GFPT1: variants seen among roughly 807,000 people sequenced by gnomAD.
GFPT1 encodes the protein glutamine--fructose-6-phosphate aminotransferase [isomerizing] 1.
In GFPT1, 40 loss-of-function variants were observed where a neutral mutation model predicts 92.0. The observed-to-expected ratio is 0.43, with a 90% CI of 0.34 to 0.57. The LOEUF (loss-of-function observed/expected upper bound fraction) is 0.57. Ranked by LOEUF, GFPT1 falls within the 20% of genes least tolerant of loss-of-function variation. GFPT1 has a pLI of 0.02. For missense variants in GFPT1, 448 were observed against 869.1 expected, an observed-to-expected ratio of 0.52 and a Z score of 6.09; for synonymous variants, 269 against 280.6, an observed-to-expected ratio of 0.96 and a Z score of 0.41.
chr2:69,352,859 A>T (rs1255444637), intron 9 of GFPT1, among the ~76,000 whole-genome samples: 1 of 151,876 alleles, frequency 6.6e-6, no homozygotes, highest in Non-Finnish European at 1.5e-5. Flanking sequence ...TAGCCCGGCC[A>T]AAATGGCGAA....
At chr2:69,384,693 C>CAAA (rs71964630) in intron 1 of GFPT1, among the ~76,000 whole-genome samples, 8 of 106,620 alleles carry the variant, frequency 7.5e-5, no homozygotes, top group Non-Finnish European at 7.6e-5. Context: ...GGCCCCGTCA[C>CAAA]AAAAAAAAAA....
At chr2:69,355,090 G>A (rs1671304944) in intron 7 of GFPT1, among the ~76,000 whole-genome samples, 1 of 151,490 alleles carries the variant, frequency 6.6e-6, no homozygotes, top group African/African-American at 2.4e-5. Flanking sequence ...TTATTTGTTT[G>A]TTTTTTGACA....
In GFPT1 at chr2:69,342,119, T is replaced by C. The variant is rs370240692; in HGVS notation, c.1203+33A>G. 53 of 1,140,666 alleles carry C rather than the reference T, an allele frequency of 4.6e-5. No individual in the cohort carries two copies. In the African/African-American group the frequency reaches 7.2e-4, roughly 15 times the overall value. 70.7% of individuals were successfully genotyped at this position (1,140,666 alleles called of 1,614,324 possible). A position where few individuals can be genotyped will look rare whatever the true frequency, so the allele number is the denominator to read the frequency against. On this transcript the variant is annotated intron_variant, in intron 13 of 19. Transcript: ENST00000357308. The stretch of plus-strand genomic sequence containing the variant: ...CTTGGTCTACAGATATTCTCTAATA[T>C]TCAACATAATTAAAATTTTAAAAAG...
chr2:69,365,493 T>A (rs1442614783), intron 3 of GFPT1, among the ~76,000 whole-genome samples: 2 of 152,142 alleles, frequency 1.3e-5, no homozygotes, highest in Non-Finnish European at 2.9e-5. Flanking sequence ...AATAAATAAA[T>A]AAATAAAACC....
intron 4 of GFPT1, among the ~76,000 whole-genome samples, chr2:69,362,176 C>A (rs985677450): frequency 9.2e-5 from 14 of 152,134 alleles, no homozygotes; most frequent in African/African-American, 3.1e-4. Flanking sequence ...GTCACCCAGG[C>A]TGAAGTGCAA....
chr2:69,356,955 T>G (rs1041252558), intron 6 of GFPT1, among the ~76,000 whole-genome samples: 3 of 152,128 alleles, frequency 2.0e-5, no homozygotes, highest in African/African-American at 2.4e-5. Flanking sequence ...ATGGTCTCCA[T>G]CTCTTGACCT....
rs540862717 is a variant in GFPT1 at position 69,361,552 on chromosome 2, G to GT, written c.349+1992dup. On this transcript the variant is annotated intron_variant, in intron 4 of 19. Transcript: ENST00000357308. ...CAAATTCTCAAAACATAATCTAGAT[G>GT]TAAGTTTTCGGGAATCTTTCATAAA... Among the ~76,000 whole-genome samples, 437 of 151,892 alleles carry GT rather than the reference G, an allele frequency of 2.9e-3. 5 individuals carry two copies. Among genetic ancestry groups the GT allele is most frequent in the Non-Finnish European group, 3.4e-3 (231 of 67,946 alleles).
At chr2:69,366,381 C>T (rs1671611703) in intron 3 of GFPT1, among the ~76,000 whole-genome samples, 1 of 152,106 alleles carries the variant, frequency 6.6e-6, no homozygotes, top group Non-Finnish European at 1.5e-5. Flanking sequence ...TTGACGCTTC[C>T]TTATTGTCTG....
At chr2:69,328,505 T>A (rs963125826) in intron 17 of GFPT1, 67 bp from the exon 18 acceptor site, 1 of 1,176,220 alleles carries the variant, frequency 8.5e-7, no homozygotes, top group South Asian at 1.2e-5. Context: ...GTAAATATTA[T>A]AAAAAGCATC....
rs1339868952 is a variant in GFPT1, at chr2:69,320,275, C to T, written c.*5914G>A. 6.6e-6 allele frequency: 1 copy of T among 152,146 alleles called. No individual in the cohort carries two copies. Among genetic ancestry groups the T allele is most frequent in the African/African-American group, 2.4e-5 (1 of 41,406 alleles). The allele number at this position is 152,146 out of a possible 1,614,324, so 9.4% of individuals were successfully genotyped here. A position where few individuals can be genotyped will look rare whatever the true frequency, so the allele number is the denominator to read the frequency against. On this transcript the variant is annotated 3_prime_UTR_variant, in exon 20 of 20. Coordinates refer to ENST00000357308, the MANE Select transcript of GFPT1 (RefSeq NM_001244710.2). ...AGATTAAGAATGTACTAGTTAAGAA[C>T]CAAGGAGTTATACCCAGTTCACAAT...
At chr2:69,384,043 A>G (rs1672069489) in intron 1 of GFPT1, among the ~76,000 whole-genome samples, 1 of 152,358 alleles carries the variant, frequency 6.6e-6, no homozygotes, top group South Asian at 2.1e-4. Context: ...GACACTCAGC[A>G]AAACCAAAAA....
At chr2:69,354,835 G>A (rs1474935982) in intron 7 of GFPT1, among the ~76,000 whole-genome samples, 1 of 152,114 alleles carries the variant, frequency 6.6e-6, no homozygotes, top group East Asian at 1.9e-4. Context: ...TGGGAAACAT[G>A]GCAAAACCCC....
chr2:69,341,079 C>G (rs975033268), intron 13 of GFPT1, among the ~76,000 whole-genome samples: 47 of 151,650 alleles, frequency 3.1e-4, no homozygotes, highest in African/African-American at 1.1e-3. Context: ...CTGCCTCAGC[C>G]TCCCAAGTAG....
Position 69,325,968 on chromosome 2 carries a change from T to C in GFPT1, c.*221A>G, listed in dbSNP as rs1670520024. The C allele has an allele frequency of 3.8e-6, 2 of 523,680 alleles. No homozygotes were observed. The highest frequency in any genetic ancestry group is 6.7e-5 in the Admixed American group (2 of 29,746). 32.4% of individuals were successfully genotyped at this position (523,680 alleles called of 1,614,324 possible). ...AGAATCTTTCTGATACAGATTCCAA[T>C]ATAGATTCCATTATTCAAAGTCCTC... On this transcript the variant is annotated 3_prime_UTR_variant, in exon 20 of 20. Coordinates refer to ENST00000357308, the MANE Select transcript of GFPT1 (RefSeq NM_001244710.2).
chr2:69,383,952 G>A lies in GFPT1; in HGVS notation c.7+3113C>T, dbSNP rs184348594. 2.4e-3 allele frequency among the ~76,000 whole-genome samples: 361 copies of A among 152,230 alleles called. 5 individuals carry two copies. Among genetic ancestry groups the A allele is most frequent in the Non-Finnish European group, 6.2e-4 (42 of 68,020 alleles). ...CCCAAAATTCCATTTTATATACACC[G>A]TCGAATCAGAAGGGTATAACTTCAC... is the stretch of plus-strand genomic sequence containing the variant. On this transcript the variant is annotated intron_variant, in intron 1 of 19. Transcript: ENST00000357308.
chr2:69,383,555 C>T (rs1672059422), intron 1 of GFPT1, among the ~76,000 whole-genome samples: 1 of 152,132 alleles, frequency 6.6e-6, no homozygotes, highest in African/African-American at 2.4e-5. Flanking sequence ...TTTAAAATTG[C>T]AAGTTCCTTT....
intron 13 of GFPT1, 74 bp downstream of exon 13, chr2:69,342,078 T>G (rs1365354625): frequency 1.2e-6 from 1 of 802,730 alleles, no homozygotes; most frequent in African/African-American, 1.7e-5. Context: ...TTACACAGTA[T>G]GTTATTAGAC....
chr2:69,361,682 C>A (rs1219011251), intron 4 of GFPT1, among the ~76,000 whole-genome samples: 2 of 151,996 alleles, frequency 1.3e-5, no homozygotes, highest in African/African-American at 4.8e-5. Flanking sequence ...CTGAATTAAA[C>A]TAAAAATCAG....
At chr2:69,338,887 C>T (rs1025790833) in intron 13 of GFPT1, among the ~76,000 whole-genome samples, 5 of 151,494 alleles carry the variant, frequency 3.3e-5, no homozygotes, top group African/African-American at 1.2e-4. Context: ...GTAACCTCCG[C>T]CTCCCGGGTT....
Sources: gnomAD v4.1 joint callset for allele counts (sites outside exome capture counted in the v4.1 genomes callset) on GRCh38, gnomAD v4.1.1 for gene constraint, MANE v1.5 for transcripts, NCBI Gene and HGNC (gene_info 2026-07-23, HGNC 2026-07-21) for gene names.